The following MEPE variants were observed in gnomAD, a reference collection of about 807,000 sequenced individuals.
MEPE encodes the protein matrix, extracellular phosphoglycoprotein with ASARM motif (bone).
Under a neutral mutation model 7.3 loss-of-function variants are expected in MEPE, and 7 were observed. The observed-to-expected ratio is 0.95, with a 90% CI of 0.54 to 1.79. MEPE has a LOEUF of 1.79. Among genes scored for constraint, MEPE ranks in the 40% most tolerant of loss-of-function variants. MEPE has a pLI of 0.00. For missense variants in MEPE, 623 were observed against 628.2 expected, an observed-to-expected ratio of 0.99 and a Z score of 0.09; for synonymous variants, 214 against 213.1, an observed-to-expected ratio of 1.00 and a Z score of -0.04.
intron 3 of MEPE, chr4:87,840,126 T>G (rs189208748): frequency 8.1e-6 from 12 of 1,489,278 alleles, no homozygotes; most frequent in Non-Finnish European, 1.1e-5. Flanking sequence ...TCTTGACATA[T>G]TCTACCATAT....
chr4:87,825,826 G>C (rs1722449543), intron 1 of MEPE, among the ~76,000 whole-genome samples: 1 of 152,118 alleles, frequency 6.6e-6, no homozygotes, highest in African/African-American at 2.4e-5. Flanking sequence ...GCATGCATTA[G>C]CTATTATTCC....
At chr4:87,825,346 A>AAATCC (rs1722437585) in intron 1 of MEPE, among the ~76,000 whole-genome samples, 1 of 152,218 alleles carries the variant, frequency 6.6e-6, no homozygotes, top group Non-Finnish European at 1.5e-5. Context: ...GGCCATGATC[A>AAATCC]AATCCAGTAC....
upstream of MEPE, among the ~76,000 whole-genome samples, chr4:87,829,944 G>A (rs2869710): frequency 0.23 from 35,037 of 149,388 alleles, 4,385 homozygotes; most frequent in Non-Finnish European, 0.27. Flanking sequence ...GAGAAACTGA[G>A]GCACAGAAAA....
chr4:87,840,170 T>C, intron 3 of MEPE: 1 of 1,268,474 alleles, frequency 7.9e-7, no homozygotes, highest in Non-Finnish European at 1.1e-6. Flanking sequence ...AGGGGACGGC[T>C]AAGAGGAAAA....
At chr4:87,830,627 G>T (rs1240560610), upstream of MEPE, among the ~76,000 whole-genome samples, 1 of 152,060 alleles carries the variant, frequency 6.6e-6, no homozygotes, top group Non-Finnish European at 1.5e-5. Flanking sequence ...TAACTATTGG[G>T]TACTGAGCTT....
At chr4:87,830,833 A>AGAG (rs55716166), upstream of MEPE, among the ~76,000 whole-genome samples, 2 of 149,444 alleles carry the variant, frequency 1.3e-5, no homozygotes, top group Admixed American at 1.3e-4. Flanking sequence ...TAAAAAAAAA[A>AGAG]AAAGAGAGAG....
rs535763881 is a variant in MEPE at position 87,844,720 on chromosome 4, C to T, written c.109-257C>T. ...CCTGTTTCCAAACAATTGAATATGCCGCTTATTCTTAAAATATTCTCACAA... is the reference window on the plus strand; with the variant it reads ...CCTGTTTCCAAACAATTGAATATGCTGCTTATTCTTAAAATATTCTCACAA... On this transcript the variant is annotated intron_variant, in intron 3 of 3. Transcript: ENST00000361056. 3.9e-4 allele frequency among the ~76,000 whole-genome samples: 59 copies of T among 152,124 alleles called. 2 individuals carry two copies. The South Asian group carries it at 0.011, about 28-fold the overall frequency.
chr4:87,839,745 TCA>T (rs1301554519), intron 3 of MEPE: 12 of 1,550,120 alleles, frequency 7.7e-6, no homozygotes, highest in Non-Finnish European at 1.0e-5. Flanking sequence ...TGTTTACATG[TCA>T]CCTGAGAAGA....
rs765099818 is a variant in MEPE, at chr4:87,846,059, T to C, written c.1191T>C (p.Asn397=). 6.8e-6 allele frequency: 11 copies of C among 1,613,792 alleles called. No homozygotes were observed. Among genetic ancestry groups the C allele is most frequent in the Admixed American group, 1.7e-5 (1 of 59,974 alleles). ...ATGCAGCTGAAAGTACCAACTATAA[T>C]GAAATTCCTAAAAATGGCAAAGGCA... is the stretch of plus-strand genomic sequence containing the variant. The part of the protein sequence containing the change: ...SSDAAESTNY[N]EIPKNGKGST... Residue 397 remains asparagine (N), a synonymous_variant, in exon 4 of 4, where the codon AAT becomes AAC. Coordinates refer to ENST00000361056, the MANE Select transcript of MEPE (RefSeq NM_020203.6).
At chr4:87,841,070 T>G (rs56166250) in intron 3 of MEPE, among the ~76,000 whole-genome samples, 4,151 of 152,334 alleles carry the variant, frequency 0.027, 191 homozygotes, top group African/African-American at 0.094. Context: ...ATAAAATTAT[T>G]CTACTCAGTC....
Position 87,845,169 on chromosome 4 carries a change from A to T in MEPE, c.301A>T (p.Ser101Cys). 1.9e-6 allele frequency: 3 copies of T among 1,613,676 alleles called. No homozygotes were observed. Among genetic ancestry groups the T allele is most frequent in the Non-Finnish European group, 2.5e-6 (3 of 1,179,732 alleles). Residue 101 changes from serine (S) to cysteine (C), a missense_variant, in exon 4 of 4, where the codon AGT becomes TGT. Transcript: ENST00000361056. The stretch of plus-strand genomic sequence containing the variant: ...TAGACAGAGACTGAATAAAGAATAT[A>T]GTATCAGTAACAAAGAGAATACTCA... ...TNRQRLNKEY[S>C]ISNKENTHNG...
Position 87,845,171 on chromosome 4 carries a change from T to C in MEPE, c.303T>C (p.Ser101=). 6.2e-7 allele frequency: 1 copy of C among 1,613,580 alleles called. No individual in the cohort carries two copies. The highest frequency in any genetic ancestry group is 8.5e-7 in the Non-Finnish European group (1 of 1,179,704). The change falls in exon 4 of 4, where the codon AGT becomes AGC. Residue 101 remains serine (S), a synonymous_variant. Coordinates refer to ENST00000361056, the MANE Select transcript of MEPE (RefSeq NM_020203.6). ...TNRQRLNKEY[S]ISNKENTHNG... Reference sequence around the variant, plus strand: ...GACAGAGACTGAATAAAGAATATAGTATCAGTAACAAAGAGAATACTCACA... The same window carrying C: ...GACAGAGACTGAATAAAGAATATAGCATCAGTAACAAAGAGAATACTCACA...
At chr4:87,834,924 C>G (rs1722725420) in intron 2 of MEPE, among the ~76,000 whole-genome samples, 156 bp downstream of exon 2, 1 of 152,152 alleles carries the variant, frequency 6.6e-6, no homozygotes, top group African/African-American at 2.4e-5. Flanking sequence ...ACTTAACACT[C>G]TTAACAAAGG....
intron 3 of MEPE, among the ~76,000 whole-genome samples, chr4:87,843,575 C>T (rs1439618939): frequency 1.3e-5 from 2 of 152,158 alleles, no homozygotes; most frequent in Non-Finnish European, 2.9e-5. Flanking sequence ...TATTCCAGCT[C>T]ATCCTACAAT....
At chr4:87,843,427 C>T (rs1054372639) in intron 3 of MEPE, among the ~76,000 whole-genome samples, 1 of 152,118 alleles carries the variant, frequency 6.6e-6, no homozygotes, top group Non-Finnish European at 1.5e-5. Context: ...ACTGCCTTTG[C>T]CAATAAATAT....
At chr4:87,831,592 T>A (rs1722600597), upstream of MEPE, among the ~76,000 whole-genome samples, 1 of 152,160 alleles carries the variant, frequency 6.6e-6, no homozygotes, top group African/African-American at 2.4e-5. Context: ...CTAGCCATTC[T>A]CTCTGCCTTT....
intron 3 of MEPE, chr4:87,839,624 A>C: frequency 1.7e-6 from 2 of 1,181,888 alleles, no homozygotes; most frequent in Non-Finnish European, 2.4e-6. Context: ...TATTACAAAG[A>C]GCCCAAAAAC....
chr4:87,846,461 CCAGCGGGGTGACAG>C lies in MEPE; in HGVS notation c.*16_*29del. 1 of 1,602,136 alleles carries C rather than the reference CCAGCGGGGTGACAG, an allele frequency of 6.2e-7. No homozygotes were observed. Among genetic ancestry groups the C allele is most frequent in the Non-Finnish European group, 8.5e-7 (1 of 1,174,294 alleles). On this transcript the variant is annotated 3_prime_UTR_variant, in exon 4 of 4. Coordinates refer to ENST00000361056, the MANE Select transcript of MEPE (RefSeq NM_020203.6). ...ATGGTGACTAGTCCACCAGGAGTTCCCAGCGGGGTGACAGTCTGAAGACCTCGTCACCTGTGAGT... is the reference window on the plus strand; with the variant it reads ...ATGGTGACTAGTCCACCAGGAGTTCCTCTGAAGACCTCGTCACCTGTGAGT...
exon 1 of MEPE, chr4:87,821,434 G>A (rs560163889): frequency 6.6e-5 from 10 of 152,198 alleles, no homozygotes; most frequent in South Asian, 2.1e-4. Context: ...CTGGCCTGCC[G>A]GCAGCTATCC....
Sources: allele counts gnomAD v4.1 joint callset (sites outside exome capture counted in the v4.1 genomes callset), GRCh38; gene constraint gnomAD v4.1.1; transcripts MANE v1.5; gene names NCBI Gene and HGNC (gene_info 2026-07-23, HGNC 2026-07-21).